Variants in APELA observed in about 807,000 individuals in gnomAD.
The protein encoded by APELA is apelin receptor early endogenous ligand.
At chr4:164,880,162 T>G (rs1730630016) in intron 2 of APELA, among the ~76,000 whole-genome samples, 1 of 152,224 alleles carries the variant, frequency 6.6e-6, no homozygotes, top group Non-Finnish European at 1.5e-5. Context: ...CAAAATTAGC[T>G]TATTCAGTTG....
At chr4:164,891,877 T>C (rs1373910346) in intron 2 of APELA, among the ~76,000 whole-genome samples, 2 of 152,216 alleles carry the variant, frequency 1.3e-5, no homozygotes, top group South Asian at 4.1e-4. Flanking sequence ...CTTTCATCTA[T>C]TAAGTATTAT....
intron 2 of APELA, among the ~76,000 whole-genome samples, chr4:164,879,695 T>C (rs956494751): frequency 3.9e-5 from 6 of 152,244 alleles, no homozygotes; most frequent in African/African-American, 1.4e-4. Context: ...TCCACCCGCC[T>C]TGGCCTTCCA....
intron 2 of APELA, among the ~76,000 whole-genome samples, chr4:164,884,459 T>A (rs930376061): frequency 6.6e-6 from 1 of 152,350 alleles, no homozygotes; most frequent in African/African-American, 2.4e-5. Flanking sequence ...GTTATCCCGC[T>A]GTAGGTCAAA....
At chr4:164,889,457 A>G (rs1026363405) in intron 2 of APELA, among the ~76,000 whole-genome samples, 1 of 152,190 alleles carries the variant, frequency 6.6e-6, no homozygotes, top group African/African-American at 2.4e-5. Flanking sequence ...TATAAATATG[A>G]CATATATACA....
At position 164,896,329 on chromosome 4, in the gene APELA, G is replaced by A. The variant is rs1222097111; in HGVS notation, c.*915G>A. ...CCAGGCTGGTCTTGAACTCAGGCTG[G>A]AACCATTCATTTTTTAACCTTTCTC... On this transcript the variant is annotated 3_prime_UTR_variant, in exon 3 of 3. Coordinates refer to ENST00000507152, the MANE Select transcript of APELA (RefSeq NM_001297550.2). 6.6e-6 allele frequency: 1 copy of A among 152,094 alleles called. No individual in the cohort carries two copies. The highest frequency in any genetic ancestry group is 1.5e-5 in the Non-Finnish European group (1 of 68,018). The allele number at this position is 152,094 out of a possible 1,614,324, so 9.4% of individuals were successfully genotyped here.
At chr4:164,898,353 T>C (rs1288396938), downstream of APELA, among the ~76,000 whole-genome samples, 3 of 151,286 alleles carry the variant, frequency 2.0e-5, no homozygotes, top group African/African-American at 7.3e-5. Flanking sequence ...AATACAAAAA[T>C]TAGCTGGGCG....
At chr4:164,879,131 G>A (rs181006746) in intron 2 of APELA, 122 bp downstream of exon 2, 2 of 396,364 alleles carry the variant, frequency 5.0e-6, no homozygotes, top group East Asian at 7.2e-5. Context: ...CAAGACTTAA[G>A]AGATGCATAC....
At chr4:164,888,735 A>G (rs939347950) in intron 2 of APELA, among the ~76,000 whole-genome samples, 2 of 152,138 alleles carry the variant, frequency 1.3e-5, no homozygotes, top group African/African-American at 4.8e-5. Context: ...CATTCTTCGT[A>G]TTATGGCTTC....
chr4:164,895,941 A>G lies in APELA; in HGVS notation c.*527A>G, dbSNP rs1056742380. Reference sequence around the variant, plus strand: ...TGGTTCATTGATTATATAGAGAGAAAGACTAAGAAAAGCTATTAATTGCTA... The same window carrying G: ...TGGTTCATTGATTATATAGAGAGAAGGACTAAGAAAAGCTATTAATTGCTA... On this transcript the variant is annotated 3_prime_UTR_variant, in exon 3 of 3. Coordinates refer to ENST00000507152, the MANE Select transcript of APELA (RefSeq NM_001297550.2). 1 of 152,220 alleles carries G rather than the reference A, an allele frequency of 6.6e-6. No homozygotes were observed. The highest frequency in any genetic ancestry group is 2.4e-5 in the African/African-American group (1 of 41,458). The allele number at this position is 152,220 out of a possible 1,614,324, so 9.4% of individuals were successfully genotyped here.
intron 2 of APELA, among the ~76,000 whole-genome samples, chr4:164,884,977 G>GT (rs758939330): frequency 2.6e-5 from 4 of 152,026 alleles, no homozygotes; most frequent in Non-Finnish European, 4.4e-5. Context: ...TTCTGTTAAA[G>GT]TCCTTAACGC....
Position 164,877,237 on chromosome 4 carries a change from G to A in APELA, c.-95G>A, listed in dbSNP as rs1367877639. ...GGCAGTTCTCTGAGGTTTGTCACTA[G>A]AATGTGAAGACAGCCACACAGATAT... On this transcript the variant is annotated 5_prime_UTR_variant, in exon 1 of 3. Transcript: ENST00000507152. 7.6e-6 allele frequency: 3 copies of A among 396,776 alleles called. No homozygotes were observed. The highest frequency in any genetic ancestry group is 6.2e-5 in the African/African-American group (3 of 48,536). 24.6% of individuals were successfully genotyped at this position (396,776 alleles called of 1,614,324 possible). A position where few individuals can be genotyped will look rare whatever the true frequency, so the allele number is the denominator to read the frequency against.
Position 164,896,915 on chromosome 4 carries a change from A to C in APELA, c.*1501A>C, listed in dbSNP as rs1730986575. The C allele has an allele frequency of 6.6e-6, 1 of 152,206 alleles. No homozygotes were observed. Among genetic ancestry groups the C allele is most frequent in the Non-Finnish European group, 1.5e-5 (1 of 68,094 alleles). 9.4% of individuals were successfully genotyped at this position (152,206 alleles called of 1,614,324 possible). A position where few individuals can be genotyped will look rare whatever the true frequency, so the allele number is the denominator to read the frequency against. The stretch of plus-strand genomic sequence containing the variant: ...CAGCCTCCCAAGTACCTGGGACTAC[A>C]GGCACTCACGGCCACACCTGACTAA... On this transcript the variant is annotated 3_prime_UTR_variant, in exon 3 of 3. Transcript: ENST00000507152.
rs1167436781 is a variant in APELA, at chr4:164,894,097, CAGATCACTTG to C, written c.*2-1312_*2-1303del. 9.2e-5 allele frequency among the ~76,000 whole-genome samples: 14 copies of C among 152,218 alleles called. No individual in the cohort carries two copies. The South Asian group carries it at 2.9e-3, about 32-fold the overall frequency. Reference sequence around the variant, plus strand: ...CAGCACTTTGGGAGGCCGAGGCAGGCAGATCACTTGAGATCAGGAGTTCAAGACTAGCCTG... The same window carrying C: ...CAGCACTTTGGGAGGCCGAGGCAGGCAGATCAGGAGTTCAAGACTAGCCTG... On this transcript the variant is annotated intron_variant, in intron 2 of 2. Transcript: ENST00000507152.
chr4:164,884,201 G>A (rs576980306), intron 2 of APELA, among the ~76,000 whole-genome samples: 13 of 151,602 alleles, frequency 8.6e-5, no homozygotes, highest in African/African-American at 3.2e-4. Context: ...CAAAGAGAGA[G>A]GGAAAGAAGA....
chr4:164,881,908 G>A (rs370683577), intron 2 of APELA, among the ~76,000 whole-genome samples: 11 of 151,534 alleles, frequency 7.3e-5, no homozygotes, highest in Admixed American at 2.0e-4. Context: ...GCATGGTGGC[G>A]TGTGCCTCTA....
At chr4:164,891,352 G>C (rs921231721) in intron 2 of APELA, among the ~76,000 whole-genome samples, 2 of 152,110 alleles carry the variant, frequency 1.3e-5, no homozygotes, top group Admixed American at 6.6e-5. Context: ...AGAGCCATTT[G>C]GTATTTGGAT....
At chr4:164,882,753 C>T (rs538118313) in intron 2 of APELA, among the ~76,000 whole-genome samples, 5 of 152,072 alleles carry the variant, frequency 3.3e-5, no homozygotes, top group South Asian at 2.1e-4. Context: ...CCACTCCCCC[C>T]ACCCCACAAC....
intron 2 of APELA, among the ~76,000 whole-genome samples, chr4:164,885,658 T>C (rs1346842648): frequency 6.6e-6 from 1 of 151,824 alleles, no homozygotes; most frequent in Non-Finnish European, 1.5e-5. Context: ...GGAGAATCAC[T>C]TGAACCCAGG....
At chr4:164,894,392 T>A in intron 2 of APELA, among the ~76,000 whole-genome samples, 1 of 151,154 alleles carries the variant, frequency 6.6e-6, no homozygotes, top group East Asian at 1.9e-4. Context: ...CATATATATT[T>A]TTTCTTTTCT....
Sources: allele counts gnomAD v4.1 joint callset (sites outside exome capture counted in the v4.1 genomes callset), GRCh38; gene constraint gnomAD v4.1.1; transcripts MANE v1.5; gene names NCBI Gene and HGNC (gene_info 2026-07-23, HGNC 2026-07-21).